PPA2: variants seen among roughly 807,000 people sequenced by gnomAD.
PPA2 encodes inorganic pyrophosphatase 2.
In PPA2, 48 loss-of-function variants were observed where a neutral mutation model predicts 49.5. That is an observed-to-expected ratio of 0.97 (90% CI 0.77 to 1.23). The LOEUF (loss-of-function observed/expected upper bound fraction) is 1.23, where lower values mean the gene tolerates loss of function less well. PPA2 is among the 50% of genes most tolerant of loss of function. PPA2 has a pLI of 0.00. For missense variants in PPA2, 429 were observed against 410.1 expected (o/e 1.05, Z -0.40); for synonymous variants, 131 against 139.9 (o/e 0.94, Z 0.45).
chr4:105,447,736 C>CTT (rs5860798), intron 4 of PPA2, among the ~76,000 whole-genome samples: 2 of 137,204 alleles, frequency 1.5e-5, no homozygotes, highest in Admixed American at 7.3e-5. Context: ...TTTCTTTTTT[C>CTT]TTTTTTTTTT....
chr4:105,428,384 A>T (rs1161580334), intron 6 of PPA2, among the ~76,000 whole-genome samples: 1 of 152,200 alleles, frequency 6.6e-6, no homozygotes. Context: ...TAAATGCCCC[A>T]ATTAAAAGAC....
intron 7 of PPA2, among the ~76,000 whole-genome samples, chr4:105,410,372 T>C (rs573736695): frequency 4.0e-5 from 6 of 151,592 alleles, no homozygotes; most frequent in East Asian, 1.9e-4. Context: ...GAAAAAAGGG[T>C]GAAAAGAAAT....
Position 105,453,579 on chromosome 4 carries a change from T to C in PPA2, c.267+19A>G, listed in dbSNP as rs370677944. On this transcript the variant is annotated intron_variant, in intron 3 of 11. Transcript: ENST00000341695. ...ACAATATAAAAGTGATTCACAAAAA[T>C]AAAAACCTTTGGATATACCTCATAT... 14 of 1,559,676 alleles carry C rather than the reference T, an allele frequency of 9.0e-6. No homozygotes were observed. The African/African-American group carries it at 1.9e-4, about 21-fold the overall frequency.
chr4:105,450,601 C>CTTTT lies in PPA2; in HGVS notation c.268-1202_268-1199dup, dbSNP rs575896250. On this transcript the variant is annotated intron_variant, in intron 3 of 11. Coordinates refer to ENST00000341695, the MANE Select transcript of PPA2 (RefSeq NM_176869.3). ...ATGCTGGCCAGGCTGGTCTGGAATT[C>CTTTT]TTTTTTTTTTTTTTTTTTTTTTTTG... Among the ~76,000 whole-genome samples the CTTTT allele has an allele frequency of 1.6e-3, 135 of 82,660 alleles. 3 individuals are homozygous for CTTTT. The highest frequency in any genetic ancestry group is 4.5e-3 in the African/African-American group (98 of 21,968). The allele number at this position is 82,660 out of a possible 152,430, so 54.2% of individuals were successfully genotyped here. A position where few individuals can be genotyped will look rare whatever the true frequency, so the allele number is the denominator to read the frequency against.
At position 105,445,822 on chromosome 4, in the gene PPA2, A is replaced by G. The variant is rs909774002; in HGVS notation, c.441+561T>C. On this transcript the variant is annotated intron_variant, in intron 5 of 11. Transcript: ENST00000341695. ...CCAAAAGAGGTAAAGAAAGGAAGAA[A>G]AGCAAATAGTTGTTATTCTCCAACA... 5.6e-4 allele frequency among the ~76,000 whole-genome samples: 85 copies of G among 152,180 alleles called. 1 individual carries two copies. The highest frequency in any genetic ancestry group is 4.6e-3 in the Admixed American group (71 of 15,298).
At position 105,374,302 on chromosome 4, in the gene PPA2, G is replaced by T. The variant is rs553010555; in HGVS notation, c.940-3429C>A. Among the ~76,000 whole-genome samples, 49 of 152,316 alleles carry T rather than the reference G, an allele frequency of 3.2e-4. 1 individual carries two copies. Among genetic ancestry groups the T allele is most frequent in the Admixed American group, 2.0e-3 (30 of 15,292 alleles). ...CGGCTGGGTGTGGTGGCTTACGCCT[G>T]TAATCTTAGCACTTTGGGAAGCCAA... On this transcript the variant is annotated intron_variant, in intron 10 of 11. Transcript: ENST00000341695.
intron 9 of PPA2, among the ~76,000 whole-genome samples, chr4:105,388,208 G>C (rs968821056): frequency 6.6e-5 from 10 of 151,990 alleles, no homozygotes; most frequent in Admixed American, 2.0e-4. Context: ...CACTTACATG[G>C]AATAATATTT....
chr4:105,402,134 T>C (rs1046335659), intron 7 of PPA2, among the ~76,000 whole-genome samples: 1 of 152,014 alleles, frequency 6.6e-6, no homozygotes, highest in African/African-American at 2.4e-5. Context: ...TGGAGCTAGG[T>C]GCCATGGCAT....
At chr4:105,384,937 A>G (rs1013978806) in intron 10 of PPA2, among the ~76,000 whole-genome samples, 11 of 152,236 alleles carry the variant, frequency 7.2e-5, no homozygotes, top group Admixed American at 7.2e-4. Flanking sequence ...AGATCCAAAC[A>G]TTTCCAATCT....
At chr4:105,388,826 AAAAAAAAAAG>A in intron 9 of PPA2, among the ~76,000 whole-genome samples, 1 of 41,470 alleles carries the variant, frequency 2.4e-5, no homozygotes. Flanking sequence ...CAACGTCTCC[AAAAAAAAAAG>A]AAAAAAAAAA....
intron 7 of PPA2, among the ~76,000 whole-genome samples, chr4:105,412,925 C>T (rs544901353): frequency 9.9e-5 from 15 of 152,216 alleles, no homozygotes; most frequent in East Asian, 3.9e-4. Flanking sequence ...GACAGTGTGG[C>T]GATTCCTCAA....
At chr4:105,376,651 G>C (rs1178573978) in intron 10 of PPA2, among the ~76,000 whole-genome samples, 1 of 152,202 alleles carries the variant, frequency 6.6e-6, no homozygotes, top group Non-Finnish European at 1.5e-5. Flanking sequence ...CTATGAGCTA[G>C]AGGTTCACAG....
At position 105,396,299 on chromosome 4, in the gene PPA2, T is replaced by A; in HGVS notation, c.819A>T (p.Gln273His). 6.3e-7 allele frequency: 1 copy of A among 1,599,070 alleles called. No homozygotes were observed. The highest frequency in any genetic ancestry group is 8.5e-7 in the Non-Finnish European group (1 of 1,173,508). Residue 273 changes from glutamine (Q) to histidine (H), a missense_variant, in exon 9 of 12, where the codon CAA (glutamine) becomes CAT (histidine). Transcript: ENST00000341695. ...FALEVIKSTHQCWKALLMKKC... is the reference protein window; with the variant it reads ...FALEVIKSTHHCWKALLMKKC... ...TCTTCATAAGCAATGCTTTCCAACA[T>A]TGATGAGTGGATTTAATAACTTCAA... is the stretch of plus-strand genomic sequence containing the variant.
At chr4:105,438,614 A>G (rs1724188167) in intron 5 of PPA2, among the ~76,000 whole-genome samples, 1 of 152,234 alleles carries the variant, frequency 6.6e-6, no homozygotes, top group East Asian at 1.9e-4. Context: ...TCAATTCTTT[A>G]GTTTACTGGC....
chr4:105,403,774 C>A (rs11737582), intron 7 of PPA2, among the ~76,000 whole-genome samples: 5,012 of 152,180 alleles, frequency 0.033, 276 homozygotes, highest in African/African-American at 0.11. Context: ...ATAATACTTT[C>A]TAAGAGAAAC....
intron 9 of PPA2, among the ~76,000 whole-genome samples, chr4:105,391,612 C>G (rs879440062): frequency 2.0e-5 from 3 of 151,862 alleles, no homozygotes; most frequent in Non-Finnish European, 4.4e-5. Context: ...AGAAATGAAA[C>G]TGTGCAGAGG....
intron 7 of PPA2, among the ~76,000 whole-genome samples, chr4:105,411,026 C>G (rs1247736041): frequency 6.6e-6 from 1 of 152,182 alleles, no homozygotes; most frequent in Non-Finnish European, 1.5e-5. Context: ...AAATAACCAG[C>G]TAACATTATA....
Position 105,449,461 on chromosome 4 carries a change from C to T in PPA2, c.268-58G>A, listed in dbSNP as rs577338713. On this transcript the variant is annotated intron_variant, in intron 3 of 11. Transcript: ENST00000341695. The stretch of plus-strand genomic sequence containing the variant: ...TAAAAATTTTACCTTTTATTTTTTC[C>T]GTTACCTCCCTTATAAGAATACCTT... 28 of 1,074,942 alleles carry T rather than the reference C, an allele frequency of 2.6e-5. No individual in the cohort carries two copies. In the African/African-American group the frequency reaches 2.7e-4, roughly 10 times the overall value. 66.6% of individuals were successfully genotyped at this position (1,074,942 alleles called of 1,614,324 possible).
At chr4:105,378,418 T>C (rs1733344205) in intron 10 of PPA2, among the ~76,000 whole-genome samples, 1 of 152,174 alleles carries the variant, frequency 6.6e-6, no homozygotes, top group Non-Finnish European at 1.5e-5. Context: ...GAGCCATATT[T>C]TGTACATTTT....
Sources: allele counts gnomAD v4.1 joint callset (sites outside exome capture counted in the v4.1 genomes callset), GRCh38; gene constraint gnomAD v4.1.1; transcripts MANE v1.5; gene names NCBI Gene and HGNC (gene_info 2026-07-23, HGNC 2026-07-21).